FANCA: variants seen among roughly 807,000 people sequenced by gnomAD.
FANCA encodes FA complementation group A, also known as Fanconi anemia group A protein.
Under a neutral mutation model 194.3 loss-of-function variants are expected in FANCA, and 236 were observed. That is an observed-to-expected ratio of 1.21 (90% CI 1.09 to 1.35). The LOEUF (loss-of-function observed/expected upper bound fraction) is 1.35. Ranked by LOEUF, FANCA falls within the 40% of genes most tolerant of loss-of-function variation. The pLI is 0.00. For synonymous variants in FANCA, 1,014 were observed against 715.8 expected (o/e 1.42, Z -6.65); for missense variants, 2,628 against 1,813.9 (o/e 1.45, Z -8.15).
At chr16:89,798,986 G>C (rs2040345415) in intron 10 of FANCA, 180 bp downstream of exon 10, 3 of 1,613,898 alleles carry the variant, frequency 1.9e-6, no homozygotes, top group Non-Finnish European at 2.5e-6. Context: ...AGGCTGACCA[G>C]AGCGTTCCCC....
intron 1 of FANCA, chr16:89,816,266 G>C (rs35147964): frequency 3.3e-6 from 1 of 300,922 alleles, no homozygotes; most frequent in Non-Finnish European, 6.1e-6. Flanking sequence ...GCGCACCCCA[G>C]GCCCGCCTGA....
At chr16:89,795,754 T>A in intron 11 of FANCA, 152 bp downstream of exon 11, 1 of 682,820 alleles carries the variant, frequency 1.5e-6, no homozygotes, top group Non-Finnish European at 2.7e-6. Flanking sequence ...TTAGTAACAA[T>A]CTCAGGCATC....
intron 37 of FANCA, among the ~76,000 whole-genome samples, chr16:89,741,997 G>A (rs1195696127): frequency 6.6e-6 from 1 of 150,782 alleles, no homozygotes; most frequent in African/African-American, 2.4e-5. Flanking sequence ...GACAAGTCTC[G>A]CTCTGTCACC....
intron 30 of FANCA, among the ~76,000 whole-genome samples, chr16:89,755,165 T>G (rs1339445173): frequency 6.6e-6 from 1 of 151,852 alleles, no homozygotes; most frequent in African/African-American, 2.4e-5. Context: ...CTGGGACAAC[T>G]GCATGGCCAC....
Position 89,746,662 on chromosome 16 carries a change from G to A in FANCA, c.3435C>T (p.Ser1145=). 6.2e-7 allele frequency: 1 copy of A among 1,614,132 alleles called. No homozygotes were observed. Among genetic ancestry groups the A allele is most frequent in the Non-Finnish European group, 8.5e-7 (1 of 1,180,026 alleles). The change falls in exon 35 of 43, where the codon AGC becomes AGT. Residue 1145 remains serine (S), a synonymous_variant. Coordinates refer to ENST00000389301, the MANE Select transcript of FANCA (RefSeq NM_000135.4). ...FRGLLNACLR[S]RDPSLMVDFI... is the part of the protein sequence containing the mutation. ...AGTCGACCATCAGGGAGGGGTCTCT[G>A]CTCCGCAGACAGGCGTTCAGGAGGC...
rs775505929 is a variant in FANCA at position 89,803,240 on chromosome 16, A to T, written c.792+19T>A. ...GACGGCTCCTTCCGCTAAACTCTTC[A>T]CTTGACTTTTCCTCCTACCTGCGGC... On this transcript the variant is annotated intron_variant, in intron 8 of 42. Coordinates refer to ENST00000389301, the MANE Select transcript of FANCA (RefSeq NM_000135.4). 3 of 1,612,036 alleles carry T rather than the reference A, an allele frequency of 1.9e-6. No homozygotes were observed. Among genetic ancestry groups the T allele is most frequent in the Non-Finnish European group, 2.5e-6 (3 of 1,178,058 alleles).
At chr16:89,767,384 T>C in intron 26 of FANCA, 147 bp from the exon 27 acceptor site, 1 of 680,828 alleles carries the variant, frequency 1.5e-6, no homozygotes, top group Non-Finnish European at 2.6e-6. Context: ...GGTTCGTTTG[T>C]TGTGAGACAG....
At chr16:89,798,485 T>G (rs2040323381) in intron 10 of FANCA, 1 of 1,096,346 alleles carries the variant, frequency 9.1e-7, no homozygotes, top group African/African-American at 1.6e-5. Context: ...ATGAAAAGGT[T>G]GACAAGGCCT....
intron 26 of FANCA, 37 bp from the exon 27 acceptor site, chr16:89,767,274 T>A (rs2039162586): frequency 1.4e-6 from 2 of 1,436,034 alleles, no homozygotes; most frequent in Middle Eastern, 1.7e-4. Context: ...ATGTAATCCA[T>A]ACAAAATAAG....
chr16:89,740,849 G>C lies in FANCA; in HGVS notation c.3783C>G (p.Phe1261Leu). Residue 1261 changes from phenylalanine to leucine, a missense_variant, in exon 38 of 43, where the codon TTC becomes TTG. Phe to Leu is a conservative substitution (Grantham distance 22, BLOSUM62 0). Transcript: ENST00000389301. ...ACAGCAGGCCCATCAAGGAGAAGAA[G>C]AAAAGGAAAACCAATAGCTGTAAAT... ...CEREELLVFLFFFSLMGLLSS... is the reference protein window; with the variant it reads ...CEREELLVFLLFFSLMGLLSS... The C allele has an allele frequency of 6.2e-7, 1 of 1,613,358 alleles. No individual in the cohort carries two copies. Among genetic ancestry groups the C allele is most frequent in the Non-Finnish European group, 8.5e-7 (1 of 1,179,590 alleles).
chr16:89,748,757 G>A lies in FANCA; in HGVS notation c.3250C>T (p.Arg1084Cys), dbSNP rs764206631. ...CCGCAGAGGACAGACGAAGGCAGGC[G>A]GAGGAGGATCCTGGAAAGAAGGGGC... The part of the protein sequence containing the change: ...ELLMYKRILL[R>C]LPSSVLCGSS... Residue 1084 changes from arginine to cysteine, a missense_variant, in exon 33 of 43, where the codon CGC becomes TGC. Coordinates refer to ENST00000389301, the MANE Select transcript of FANCA (RefSeq NM_000135.4). 3.7e-5 allele frequency: 60 copies of A among 1,613,704 alleles called. No individual in the cohort carries two copies. The highest frequency in any genetic ancestry group is 4.8e-5 in the Non-Finnish European group (57 of 1,179,930).
chr16:89,804,121 T>G (rs1598174831), intron 7 of FANCA, among the ~76,000 whole-genome samples: 1 of 152,164 alleles, frequency 6.6e-6, no homozygotes, highest in African/African-American at 2.4e-5. Context: ...AACTTTGATT[T>G]AAATTTAACC....
intron 14 of FANCA, among the ~76,000 whole-genome samples, chr16:89,786,647 T>C (rs1174034853): frequency 1.3e-5 from 2 of 152,152 alleles, no homozygotes; most frequent in African/African-American, 2.4e-5. Context: ...GTTATCATCA[T>C]GCAGACAGAC....
At chr16:89,776,952 T>C (rs1007404814) in intron 20 of FANCA, among the ~76,000 whole-genome samples, 2 of 151,766 alleles carry the variant, frequency 1.3e-5, no homozygotes, top group South Asian at 2.1e-4. Context: ...TGGCTCATAT[T>C]TGTAATCCCA....
At position 89,807,927 on chromosome 16, in the gene FANCA, G is replaced by A. The variant is rs1028455151; in HGVS notation, c.596+367C>T. Among the ~76,000 whole-genome samples, 11 of 150,312 alleles carry A rather than the reference G, an allele frequency of 7.3e-5. 1 individual carries two copies. Among genetic ancestry groups the A allele is most frequent in the Admixed American group, 5.3e-4 (8 of 15,106 alleles). ...ACAAAAATTAGCTGCGTGTGGTGGC[G>A]GGCGCCTGTAATCCCAGCGACTTGG... On this transcript the variant is annotated intron_variant, in intron 6 of 42. Coordinates refer to ENST00000389301, the MANE Select transcript of FANCA (RefSeq NM_000135.4).
chr16:89,757,851 G>C (rs1429839258), intron 30 of FANCA, among the ~76,000 whole-genome samples: 1 of 152,186 alleles, frequency 6.6e-6, no homozygotes, highest in African/African-American at 2.4e-5. Context: ...AATACCAGGT[G>C]ACAGAACAGA....
rs55873203 is a variant in FANCA at position 89,739,013 on chromosome 16, T to TA, written c.4168-40dup. On this transcript the variant is annotated intron_variant, in intron 41 of 42. Transcript: ENST00000389301. ...AGGCAAACTCACAGGTTAGAAGACA[T>TA]ACAGAAACAGGGCTGGTGTGTCCCC... The TA allele has an allele frequency of 1.4e-3, 2,233 of 1,614,044 alleles. 27 individuals carry two copies. The African/African-American group carries it at 0.027, about 19-fold the overall frequency.
intron 14 of FANCA, among the ~76,000 whole-genome samples, chr16:89,789,594 C>A (rs1448158553): frequency 6.6e-6 from 1 of 151,858 alleles, no homozygotes; most frequent in Non-Finnish European, 1.5e-5. Flanking sequence ...TGCTTACCAC[C>A]ACACCCAGCT....
intron 9 of FANCA, 98 bp from the exon 10 acceptor site, chr16:89,799,330 A>AC: frequency 7.1e-7 from 1 of 1,401,674 alleles, no homozygotes; most frequent in East Asian, 2.3e-5. Context: ...ATCCACTTCA[A>AC]CCCCCCAGAG....
Sources: gnomAD v4.1 joint callset for allele counts (sites outside exome capture counted in the v4.1 genomes callset) on GRCh38, gnomAD v4.1.1 for gene constraint, MANE v1.5 for transcripts, NCBI Gene and HGNC (gene_info 2026-07-23, HGNC 2026-07-21) for gene names.